Variants in PPP2R5E observed in about 807,000 individuals in gnomAD.
PPP2R5E encodes serine/threonine-protein phosphatase 2A 56 kDa regulatory subunit epsilon isoform.
Under a neutral mutation model 65.3 loss-of-function variants are expected in PPP2R5E, and 4 were observed. That is an observed-to-expected ratio of 0.06 (90% CI 0.03 to 0.14). The LOEUF (loss-of-function observed/expected upper bound fraction) is 0.14. PPP2R5E is among the 10% of genes least tolerant of loss of function. PPP2R5E has a pLI of 1.00. For synonymous variants in PPP2R5E, 183 were observed against 187.4 expected (o/e 0.98, Z 0.19); for missense variants, 274 against 556.1 (o/e 0.49, Z 5.10).
chr14:63,379,656 T>C (rs1407719923), intron 13 of PPP2R5E, among the ~76,000 whole-genome samples: 2 of 152,156 alleles, frequency 1.3e-5, no homozygotes, highest in Non-Finnish European at 2.9e-5. Context: ...CAGGAATAGA[T>C]AAAATAATAG....
At chr14:63,472,502 C>A (rs1890182828) in intron 2 of PPP2R5E, among the ~76,000 whole-genome samples, 1 of 152,120 alleles carries the variant, frequency 6.6e-6, no homozygotes, top group African/African-American at 2.4e-5. Flanking sequence ...TTTTGAACAC[C>A]TGACATTTGT....
intron 2 of PPP2R5E, among the ~76,000 whole-genome samples, chr14:63,497,073 G>T: frequency 6.6e-6 from 1 of 151,974 alleles, no homozygotes; most frequent in Non-Finnish European, 1.5e-5. Flanking sequence ...ATTCTAAATT[G>T]CTAAAAATAA....
intron 3 of PPP2R5E, among the ~76,000 whole-genome samples, chr14:63,430,940 ATTT>A (rs1887635057): frequency 6.6e-6 from 1 of 152,192 alleles, no homozygotes; most frequent in Non-Finnish European, 1.5e-5. Context: ...AGTTATCTGA[ATTT>A]AAGAAACCAT....
At chr14:63,510,765 T>C (rs1018800530) in intron 2 of PPP2R5E, among the ~76,000 whole-genome samples, 12 of 152,366 alleles carry the variant, frequency 7.9e-5, no homozygotes, top group African/African-American at 2.9e-4. Flanking sequence ...AATTTTATTC[T>C]GAATGAAATG....
intron 5 of PPP2R5E, among the ~76,000 whole-genome samples, chr14:63,403,277 A>C (rs1282719430): frequency 6.6e-6 from 1 of 151,646 alleles, no homozygotes; most frequent in East Asian, 1.9e-4. Flanking sequence ...AAAATACAAA[A>C]ATTAGTCTGG....
rs117359573 is a variant in PPP2R5E at position 63,427,116 on chromosome 14, A to C, written c.355-5022T>G. 2.6e-3 allele frequency among the ~76,000 whole-genome samples: 401 copies of C among 152,350 alleles called. 3 individuals carry two copies. The highest frequency in any genetic ancestry group is 2.0e-3 in the Non-Finnish European group (136 of 68,030). Reference sequence around the variant, plus strand: ...ATGGATTATTAAATAGGGCACTTGCATGCTTATGCAAATGTATCACAGCCA... The same window carrying C: ...ATGGATTATTAAATAGGGCACTTGCCTGCTTATGCAAATGTATCACAGCCA... On this transcript the variant is annotated intron_variant, in intron 3 of 13. Coordinates refer to ENST00000337537, the MANE Select transcript of PPP2R5E (RefSeq NM_006246.5).
At chr14:63,396,816 G>T in intron 5 of PPP2R5E, 100 bp from the exon 6 acceptor site, 1 of 1,432,230 alleles carries the variant, frequency 7.0e-7, no homozygotes, top group Non-Finnish European at 9.5e-7. Context: ...CTCAAAAAAT[G>T]TGTTGAATAT....
chr14:63,429,558 A>T (rs575206055), intron 3 of PPP2R5E, among the ~76,000 whole-genome samples: 10 of 152,376 alleles, frequency 6.6e-5, no homozygotes, highest in African/African-American at 2.4e-4. Context: ...TCATTCATTC[A>T]ATAATTCATT....
chr14:63,489,300 T>C (rs1891167539), intron 2 of PPP2R5E, among the ~76,000 whole-genome samples: 1 of 152,102 alleles, frequency 6.6e-6, no homozygotes, highest in South Asian at 2.1e-4. Flanking sequence ...GCCTCTCACA[T>C]ACCCTCACTC....
intron 2 of PPP2R5E, among the ~76,000 whole-genome samples, chr14:63,455,429 C>T (rs1889063228): frequency 6.6e-6 from 1 of 152,186 alleles, no homozygotes; most frequent in Non-Finnish European, 1.5e-5. Context: ...ATCACTCCTA[C>T]TCTCAGCAAA....
intron 11 of PPP2R5E, among the ~76,000 whole-genome samples, chr14:63,386,991 G>A (rs1442173303): frequency 1.3e-5 from 2 of 151,860 alleles, no homozygotes; most frequent in Non-Finnish European, 2.9e-5. Flanking sequence ...TTCGAAGGAT[G>A]AAGGAAAGGG....
chr14:63,398,873 G>T (rs1885564553), intron 5 of PPP2R5E, among the ~76,000 whole-genome samples: 2 of 152,214 alleles, frequency 1.3e-5, no homozygotes, highest in Admixed American at 6.5e-5. Context: ...ATAATAAAAA[G>T]TGTTGGCGAG....
intron 11 of PPP2R5E, among the ~76,000 whole-genome samples, chr14:63,387,960 T>C (rs1426777661): frequency 6.6e-6 from 1 of 152,216 alleles, no homozygotes; most frequent in Non-Finnish European, 1.5e-5. Context: ...CCAACCATGC[T>C]GTCATCCTGA....
intron 3 of PPP2R5E, among the ~76,000 whole-genome samples, chr14:63,424,750 CAA>C (rs1171991957): frequency 1.6e-4 from 14 of 85,542 alleles, no homozygotes; most frequent in Admixed American, 3.9e-4. Flanking sequence ...GGCTCCATCT[CAA>C]AAAAAAAAAA....
chr14:63,417,740 G>A (rs1409773808), intron 4 of PPP2R5E, among the ~76,000 whole-genome samples: 3 of 152,218 alleles, frequency 2.0e-5, no homozygotes, highest in South Asian at 2.1e-4. Flanking sequence ...CAAGTACGTG[G>A]CAGTGAAGAA....
intron 11 of PPP2R5E, among the ~76,000 whole-genome samples, chr14:63,387,386 T>C (rs1884735132): frequency 6.6e-6 from 1 of 152,200 alleles, no homozygotes; most frequent in African/African-American, 2.4e-5. Flanking sequence ...TTACTGTGTC[T>C]GACAACAGGA....
At chr14:63,419,395 G>C (rs145096033) in intron 4 of PPP2R5E, among the ~76,000 whole-genome samples, 165 of 152,300 alleles carry the variant, frequency 1.1e-3, no homozygotes, top group African/African-American at 3.7e-3. Flanking sequence ...GTTTTGGTCA[G>C]AAAAATAGAC....
At position 63,509,716 on chromosome 14, in the gene PPP2R5E, T is replaced by A. The variant is rs148910263; in HGVS notation, c.157+29813A>T. ...AACACACACCTGCAAATGGAGTCAA[T>A]GCCTGTGGACTAACAGAACCCATAT... On this transcript the variant is annotated intron_variant, in intron 2 of 13. Coordinates refer to ENST00000337537, the MANE Select transcript of PPP2R5E (RefSeq NM_006246.5). Among the ~76,000 whole-genome samples the A allele has an allele frequency of 5.1e-3, 771 of 152,314 alleles. 2 individuals carry two copies. Among genetic ancestry groups the A allele is most frequent in the Non-Finnish European group, 8.6e-3 (586 of 68,038 alleles).
At chr14:63,475,769 A>T (rs905740498) in intron 2 of PPP2R5E, among the ~76,000 whole-genome samples, 22 of 126,106 alleles carry the variant, frequency 1.7e-4, no homozygotes, top group East Asian at 1.6e-3. Flanking sequence ...ATAAAATATT[A>T]AAAAACATAA....
Sources: allele counts gnomAD v4.1 joint callset (sites outside exome capture counted in the v4.1 genomes callset), GRCh38; gene constraint gnomAD v4.1.1; transcripts MANE v1.5; gene names NCBI Gene and HGNC (gene_info 2026-07-23, HGNC 2026-07-21).